Variants in CHN2 observed in about 807,000 individuals in gnomAD.
The protein encoded by CHN2 is chimerin 2, also known as beta-chimaerin.
Under a neutral mutation model 56.3 loss-of-function variants are expected in CHN2, and 35 were observed. That is an observed-to-expected ratio of 0.62 (90% CI 0.47 to 0.82). CHN2 has a LOEUF of 0.82. CHN2 is among the 40% of genes least tolerant of loss of function. The pLI is 0.00. For missense variants in CHN2, 491 were observed against 580.5 expected, an observed-to-expected ratio of 0.85 and a Z score of 1.58; for synonymous variants, 210 against 212.8, an observed-to-expected ratio of 0.99 and a Z score of 0.12.
intron 6 of CHN2, among the ~76,000 whole-genome samples, chr7:29,435,953 T>A (rs1174898649): frequency 1.3e-5 from 2 of 150,234 alleles, no homozygotes; most frequent in Non-Finnish European, 3.0e-5. Flanking sequence ...AAAGTTGGAT[T>A]CTAGGAGATA....
intron 6 of CHN2, among the ~76,000 whole-genome samples, chr7:29,403,712 T>C (rs1424600003): frequency 6.6e-6 from 1 of 152,014 alleles, no homozygotes; most frequent in Non-Finnish European, 1.5e-5. Context: ...TAGTGATCCG[T>C]CTCCCCACTG....
At chr7:29,238,007 T>A (rs1414984718) in intron 1 of CHN2, among the ~76,000 whole-genome samples, 2 of 142,892 alleles carry the variant, frequency 1.4e-5, no homozygotes, top group African/African-American at 5.1e-5. Context: ...TACTTTAATA[T>A]GTATTCTCTT....
intron 4 of CHN2, chr7:29,397,258 T>C (rs772115345): frequency 1.3e-5 from 2 of 152,240 alleles, no homozygotes; most frequent in Non-Finnish European, 2.9e-5. Context: ...AATATTGTGA[T>C]AGGCACTTTT....
intron 1 of CHN2, among the ~76,000 whole-genome samples, chr7:29,327,153 G>A (rs940765568): frequency 2.6e-5 from 4 of 152,176 alleles, no homozygotes; most frequent in Non-Finnish European, 5.9e-5. Flanking sequence ...AGATAATGCT[G>A]GAGAGAGGGA....
At chr7:29,407,653 T>C (rs2189440) in intron 6 of CHN2, among the ~76,000 whole-genome samples, 92,847 of 152,020 alleles carry the variant, frequency 0.61, 30,173 homozygotes, top group African/African-American at 0.85. Context: ...ACCCTGATGA[T>C]GCTGACCAGC....
At chr7:29,431,620 G>A (rs907732668) in intron 6 of CHN2, among the ~76,000 whole-genome samples, 1 of 152,328 alleles carries the variant, frequency 6.6e-6, no homozygotes, top group Middle Eastern at 3.4e-3. Flanking sequence ...ATACATAAGT[G>A]GCGATATAAC....
intron 7 of CHN2, among the ~76,000 whole-genome samples, chr7:29,485,321 G>A (rs1369799628): frequency 6.6e-6 from 1 of 152,030 alleles, no homozygotes; most frequent in African/African-American, 2.4e-5. Context: ...AAAAAATTGA[G>A]ACTTTCAAAA....
At position 29,233,825 on chromosome 7, in the gene CHN2, A is replaced by ATTTTTTTTTTTTTTTTTT. The variant is rs1175429614; in HGVS notation, c.49+38844_49+38861dup. ...AGAATGCAGCCCTGCCAACACCTTG[A>ATTTTTTTTTTTTTTTTTT]TTTTTTTTTTTTTTTTTTTTTTTTT... is the stretch of plus-strand genomic sequence containing the variant. On this transcript the variant is annotated intron_variant, in intron 1 of 12. Transcript: ENST00000222792. Among the ~76,000 whole-genome samples, 18 of 53,202 alleles carry ATTTTTTTTTTTTTTTTTT rather than the reference A, an allele frequency of 3.4e-4. 5 individuals are homozygous for ATTTTTTTTTTTTTTTTTT. Among genetic ancestry groups the ATTTTTTTTTTTTTTTTTT allele is most frequent in the East Asian group, 3.0e-3 (3 of 996 alleles). The allele number at this position is 53,202 out of a possible 152,430, so 34.9% of individuals were successfully genotyped here.
chr7:29,410,740 G>A (rs949648108), intron 6 of CHN2, among the ~76,000 whole-genome samples: 1 of 152,070 alleles, frequency 6.6e-6, no homozygotes, highest in Non-Finnish European at 1.5e-5. Flanking sequence ...AAAAGTTGAA[G>A]GAGAGTGTTA....
At chr7:29,443,735 G>A (rs1484318498) in intron 6 of CHN2, among the ~76,000 whole-genome samples, 4 of 152,174 alleles carry the variant, frequency 2.6e-5, no homozygotes, top group East Asian at 3.9e-4. Flanking sequence ...CCTCAGGAAA[G>A]AGGAGGGGGT....
intron 1 of CHN2, among the ~76,000 whole-genome samples, chr7:29,218,507 T>C (rs1785510355): frequency 1.3e-5 from 2 of 152,124 alleles, no homozygotes; most frequent in Admixed American, 1.3e-4. Context: ...TGCACACGTA[T>C]GTTTATAGCG....
At chr7:29,190,888 G>A (rs1246257732), upstream of CHN2, among the ~76,000 whole-genome samples, 1 of 151,128 alleles carries the variant, frequency 6.6e-6, no homozygotes, top group African/African-American at 2.4e-5. Flanking sequence ...TGCAAAGTAT[G>A]GTAGACAATA....
chr7:29,311,055 T>C (rs1364340100), intron 1 of CHN2, among the ~76,000 whole-genome samples: 1 of 152,256 alleles, frequency 6.6e-6, no homozygotes, highest in Non-Finnish European at 1.5e-5. Flanking sequence ...CTGTCTGTCC[T>C]CAGTACAGAT....
chr7:29,380,669 G>A (rs373362168), intron 3 of CHN2: 1 of 152,190 alleles, frequency 6.6e-6, no homozygotes, highest in Non-Finnish European at 1.5e-5. Flanking sequence ...TTTGATGGAA[G>A]GAATTTACTA....
chr7:29,149,246 G>A (rs992231606), intron 2 of CHN2, among the ~76,000 whole-genome samples: 1 of 127,954 alleles, frequency 7.8e-6, no homozygotes. Flanking sequence ...AGGCTGGACT[G>A]CAATGTCGCA....
rs769425064 is a variant in CHN2, at chr7:29,480,245, T to C, written c.577-34T>C. The C allele has an allele frequency of 3.7e-6, 6 of 1,614,060 alleles. No homozygotes were observed. The South Asian group carries it at 6.6e-5, about 18-fold the overall frequency. On this transcript the variant is annotated intron_variant, in intron 6 of 12. Coordinates refer to ENST00000222792, the MANE Select transcript of CHN2 (RefSeq NM_004067.4). ...AGGTGGGTGTCAAAGGCGGCTTTCT[T>C]TGGCCCCCTCTCAAACTCTTTGCCT...
intron 6 of CHN2, among the ~76,000 whole-genome samples, chr7:29,444,291 A>G (rs1347925307): frequency 6.6e-6 from 1 of 152,226 alleles, no homozygotes. Context: ...CTATGGCTGC[A>G]TAACAAATTA....
intron 6 of CHN2, among the ~76,000 whole-genome samples, chr7:29,457,087 A>G (rs1562622100): frequency 6.6e-6 from 1 of 152,196 alleles, no homozygotes; most frequent in Non-Finnish European, 1.5e-5. Context: ...GAGCTGTGGA[A>G]TAGACATGCA....
intron 6 of CHN2, among the ~76,000 whole-genome samples, chr7:29,462,128 G>A (rs528173271): frequency 5.9e-5 from 9 of 152,084 alleles, no homozygotes; most frequent in African/African-American, 4.8e-5. Flanking sequence ...TGCATTCTGC[G>A]TAAAACTTAG....
Sources: gnomAD v4.1 joint callset for allele counts (sites outside exome capture counted in the v4.1 genomes callset) on GRCh38, gnomAD v4.1.1 for gene constraint, MANE v1.5 for transcripts, NCBI Gene and HGNC (gene_info 2026-07-23, HGNC 2026-07-21) for gene names.